The following CDH12 variants were observed in gnomAD, a reference collection of about 807,000 sequenced individuals.
CDH12 encodes cadherin-12.
In CDH12, 41 loss-of-function variants were observed where a neutral mutation model predicts 74.1. That is an observed-to-expected ratio of 0.55 (90% CI 0.43 to 0.72). The LOEUF (loss-of-function observed/expected upper bound fraction) is 0.72, where lower values mean the gene tolerates loss of function less well. CDH12 is among the 30% of genes least tolerant of loss of function. The pLI, the probability that CDH12 is intolerant of heterozygous loss-of-function variation, is 0.00. For synonymous variants in CDH12, 399 were observed against 355.0 expected, an observed-to-expected ratio of 1.12 and a Z score of -1.39; for missense variants, 945 against 977.2, an observed-to-expected ratio of 0.97 and a Z score of 0.44.
intron 3 of CDH12, among the ~76,000 whole-genome samples, chr5:22,259,923 G>T (rs921782523): frequency 6.6e-6 from 1 of 151,982 alleles, no homozygotes; most frequent in African/African-American, 2.4e-5. Context: ...CCCTAAAGGT[G>T]AGCAGTGCTA....
At chr5:22,279,265 A>G (rs1736771117) in intron 3 of CDH12, among the ~76,000 whole-genome samples, 1 of 152,174 alleles carries the variant, frequency 6.6e-6, no homozygotes, top group Non-Finnish European at 1.5e-5. Flanking sequence ...AGCTTCATAT[A>G]TTACTTTTGG....
chr5:22,643,762 CA>C (rs199639376), intron 1 of CDH12, among the ~76,000 whole-genome samples: 2 of 25,406 alleles, frequency 7.9e-5, no homozygotes, highest in East Asian at 4.1e-3. Flanking sequence ...TTTTTTTTTC[CA>C]CAAATTGATG....
At chr5:22,587,808 T>C (rs1336739065) in intron 1 of CDH12, among the ~76,000 whole-genome samples, 2 of 151,586 alleles carry the variant, frequency 1.3e-5, no homozygotes, top group Non-Finnish European at 2.9e-5. Context: ...ATTCAATAGA[T>C]AGATACTAAA....
chr5:22,671,197 A>T (rs905848626), intron 1 of CDH12, among the ~76,000 whole-genome samples: 1 of 152,160 alleles, frequency 6.6e-6, no homozygotes, highest in Non-Finnish European at 1.5e-5. Flanking sequence ...CACCACCACC[A>T]TAATCAATGT....
chr5:22,826,313 G>T (rs868752910), intron 1 of CDH12, among the ~76,000 whole-genome samples: 1 of 152,110 alleles, frequency 6.6e-6, no homozygotes, highest in Admixed American at 6.5e-5. Flanking sequence ...CTTCCACCAT[G>T]ATTTTGAGCC....
chr5:22,572,679 T>G (rs1739598413), intron 1 of CDH12, among the ~76,000 whole-genome samples: 1 of 152,212 alleles, frequency 6.6e-6, no homozygotes, highest in African/African-American at 2.4e-5. Flanking sequence ...CCCTATCTTT[T>G]GGTTGAATAC....
In CDH12 at chr5:21,752,252, A is replaced by G. The variant is rs75965776; in HGVS notation, c.1886-16T>C. On this transcript the variant is annotated splice_polypyrimidine_tract_variant and intron_variant, in intron 14 of 14. Transcript: ENST00000382254. ...ACAACTATGGCTGGAACAAGACAAA[A>G]ATTGCAATTTGAGAATAGAAAGCAG... 2.3e-3 allele frequency: 3,585 copies of G among 1,561,198 alleles called. 77 individuals are homozygous for G. The African/African-American group carries it at 0.044, about 19-fold the overall frequency.
chr5:22,805,293 A>G (rs1328458243), intron 1 of CDH12, among the ~76,000 whole-genome samples: 2 of 152,270 alleles, frequency 1.3e-5, no homozygotes, highest in East Asian at 3.9e-4. Context: ...TGAATGTTCT[A>G]TAGTTTCCTG....
chr5:22,617,769 A>G (rs1335587826), intron 1 of CDH12, among the ~76,000 whole-genome samples: 2 of 152,122 alleles, frequency 1.3e-5, no homozygotes, highest in Non-Finnish European at 2.9e-5. Flanking sequence ...GGAGAGAAGT[A>G]ACTTATTCCA....
intron 6 of CDH12, among the ~76,000 whole-genome samples, chr5:21,970,491 A>T (rs1279835618): frequency 2.6e-5 from 4 of 152,190 alleles, no homozygotes; most frequent in Non-Finnish European, 5.9e-5. Context: ...TGTAAAGTAC[A>T]GACACAGTCT....
At chr5:21,962,244 C>T (rs1756391994) in intron 6 of CDH12, among the ~76,000 whole-genome samples, 1 of 151,944 alleles carries the variant, frequency 6.6e-6, no homozygotes, top group African/African-American at 2.4e-5. Flanking sequence ...GGCTTGATAT[C>T]CCATGTCATT....
At chr5:21,973,529 C>A (rs1423361351) in intron 6 of CDH12, among the ~76,000 whole-genome samples, 1 of 152,104 alleles carries the variant, frequency 6.6e-6, no homozygotes, top group Non-Finnish European at 1.5e-5. Context: ...TTATAGTTGG[C>A]ACAAGAAAAA....
At chr5:22,444,747 G>A (rs1378692288) in intron 2 of CDH12, among the ~76,000 whole-genome samples, 1 of 151,806 alleles carries the variant, frequency 6.6e-6, no homozygotes, top group Admixed American at 6.6e-5. Context: ...TAAATTATAT[G>A]GAGGAATATT....
At chr5:22,265,286 A>C (rs1753665022) in intron 3 of CDH12, among the ~76,000 whole-genome samples, 1 of 152,206 alleles carries the variant, frequency 6.6e-6, no homozygotes, top group African/African-American at 2.4e-5. Flanking sequence ...TTTAAGCAGA[A>C]ATTATAGTGA....
At chr5:22,343,594 A>G (rs1362984403) in intron 3 of CDH12, among the ~76,000 whole-genome samples, 2 of 151,520 alleles carry the variant, frequency 1.3e-5, no homozygotes, top group Admixed American at 6.6e-5. Context: ...ATTTTTTTGT[A>G]TTTTTTGGAG....
At chr5:22,658,670 C>T (rs1294142569) in intron 1 of CDH12, among the ~76,000 whole-genome samples, 2 of 152,004 alleles carry the variant, frequency 1.3e-5, no homozygotes, top group East Asian at 3.9e-4. Context: ...AGACACCCTC[C>T]TACATAAGAA....
At chr5:22,795,119 G>T (rs1748123448) in intron 1 of CDH12, among the ~76,000 whole-genome samples, 1 of 152,030 alleles carries the variant, frequency 6.6e-6, no homozygotes, top group African/African-American at 2.4e-5. Context: ...TTCAAACAAG[G>T]CTCTTTTGGA....
At position 21,796,477 on chromosome 5, in the gene CDH12, GAATCTT is replaced by G. The variant is rs200006034; in HGVS notation, c.1256+5684_1256+5689del. ...TTGCAAAGTGAAAACATTGTAAGAT[GAATCTT>G]TATGAGTCGGGGAACAATCTGTACA... On this transcript the variant is annotated intron_variant, in intron 10 of 14. Transcript: ENST00000382254. 5.6e-3 allele frequency among the ~76,000 whole-genome samples: 848 copies of G among 152,124 alleles called. 10 individuals are homozygous for G. Among genetic ancestry groups the G allele is most frequent in the African/African-American group, 0.02 (817 of 41,548 alleles).
At chr5:22,563,020 AT>A (rs1213672988) in intron 1 of CDH12, among the ~76,000 whole-genome samples, 1 of 147,616 alleles carries the variant, frequency 6.8e-6, no homozygotes, top group Non-Finnish European at 1.5e-5. Context: ...ATATTTCTAT[AT>A]TTAAATGCAT....
Sources: allele counts gnomAD v4.1 joint callset (sites outside exome capture counted in the v4.1 genomes callset), GRCh38; gene constraint gnomAD v4.1.1; transcripts MANE v1.5; gene names NCBI Gene and HGNC (gene_info 2026-07-23, HGNC 2026-07-21).